The following RNF168 variants were observed in gnomAD, a reference collection of about 807,000 sequenced individuals.
RNF168 encodes the protein ring finger protein 168.
RNF168 carries 34 observed loss-of-function variants against 34.9 expected under a neutral mutation model. The observed-to-expected ratio is 0.97, with a 90% CI of 0.74 to 1.30. RNF168 has a LOEUF of 1.30. RNF168 is among the 50% of genes most tolerant of loss of function. The probability of loss-of-function intolerance (pLI) is 0.00; values close to 1 mark genes in which losing one functional copy is unlikely to be tolerated. For synonymous variants in RNF168, 264 were observed against 254.7 expected, an observed-to-expected ratio of 1.04 and a Z score of -0.35; for missense variants, 725 against 682.5, an observed-to-expected ratio of 1.06 and a Z score of -0.69.
Position 196,483,853 on chromosome 3 carries a change from C to G in RNF168, c.597G>C (p.Leu199Phe). Residue 199 changes from leucine to phenylalanine, a missense_variant, in exon 4 of 6, where the codon TTG becomes TTC. Coordinates refer to ENST00000318037, the MANE Select transcript of RNF168 (RefSeq NM_152617.4). ...TAACTGGATCAGATTTTCTGGAATT[C>G]AAGGGAGAAGCCGAGATACTTCCCT... ...FCEGSISASP[L>F]NSRKSDPVTP... 6.2e-7 allele frequency: 1 copy of G among 1,610,374 alleles called. No homozygotes were observed. Among genetic ancestry groups the G allele is most frequent in the Non-Finnish European group, 8.5e-7 (1 of 1,176,656 alleles).
intron 1 of RNF168, among the ~76,000 whole-genome samples, chr3:196,492,227 A>C (rs1732613528): frequency 6.6e-6 from 1 of 152,226 alleles, no homozygotes; most frequent in African/African-American, 2.4e-5. Flanking sequence ...GGCTGGGCAC[A>C]GTGGCTCATG....
At chr3:196,488,355 G>A (rs1024673440) in intron 2 of RNF168, among the ~76,000 whole-genome samples, 13 of 151,708 alleles carry the variant, frequency 8.6e-5, no homozygotes, top group East Asian at 1.9e-4. Context: ...AGTGGCGGGC[G>A]CCTGTAGTCC....
chr3:196,484,333 G>A (rs940331607), intron 3 of RNF168, among the ~76,000 whole-genome samples: 10 of 151,296 alleles, frequency 6.6e-5, no homozygotes, highest in Non-Finnish European at 8.9e-5. Context: ...CACCATGCCC[G>A]GCTAATTTTT....
chr3:196,472,221 C>G lies in RNF168; in HGVS notation c.1314G>C (p.Glu438Asp). ...TGTCCTGTTCTTCTTGTTTATGTCTCTCAAACAGTAGATGCTCCAAATCTA... is the reference window on the plus strand; with the variant it reads ...TGTCCTGTTCTTCTTGTTTATGTCTGTCAAACAGTAGATGCTCCAAATCTA... ...KLIDLEHLLFERHKQEEQDRL... is the reference protein window; with the variant it reads ...KLIDLEHLLFDRHKQEEQDRL... Residue 438 changes from glutamate (E) to aspartate (D), a missense_variant, in exon 6 of 6, where the codon GAG (glutamate) becomes GAC (aspartate). Coordinates refer to ENST00000318037, the MANE Select transcript of RNF168 (RefSeq NM_152617.4). The G allele has an allele frequency of 6.2e-7, 1 of 1,614,124 alleles. No individual in the cohort carries two copies. Among genetic ancestry groups the G allele is most frequent in the African/African-American group, 1.3e-5 (1 of 75,054 alleles).
intron 1 of RNF168, among the ~76,000 whole-genome samples, chr3:196,501,491 T>G (rs903908307): frequency 2.0e-5 from 3 of 152,160 alleles, no homozygotes; most frequent in Non-Finnish European, 2.9e-5. Context: ...CATGAGTCCC[T>G]TCTATGAAAT....
Position 196,502,961 on chromosome 3 carries a change from GAGA to G in RNF168, c.210_212del (p.Leu71del). On this transcript the variant is annotated inframe_deletion, in exon 1 of 6. Coordinates refer to ENST00000318037, the MANE Select transcript of RNF168 (RefSeq NM_152617.4). Reference sequence around the variant, plus strand: ...TTATCGTCCACAGTTCCACGTTGACGAGAGAATTTCTTCGGGTATGGTACCGAG... The same window carrying G: ...TTATCGTCCACAGTTCCACGTTGACGGAATTTCTTCGGGTATGGTACCGAG... The G allele has an allele frequency of 6.2e-7, 1 of 1,613,958 alleles. No individual in the cohort carries two copies. The highest frequency in any genetic ancestry group is 8.5e-7 in the Non-Finnish European group (1 of 1,179,868).
chr3:196,491,708 C>T (rs992732652), intron 1 of RNF168, among the ~76,000 whole-genome samples: 1 of 151,932 alleles, frequency 6.6e-6, no homozygotes, highest in Admixed American at 6.6e-5. Context: ...ATCCTGAGTA[C>T]GGAGATACCG....
intron 3 of RNF168, among the ~76,000 whole-genome samples, chr3:196,486,512 T>G (rs1049487400): frequency 1.3e-5 from 2 of 151,832 alleles, no homozygotes; most frequent in African/African-American, 2.4e-5. Context: ...TATTAATTTT[T>G]CTGAAGAAAC....
intron 1 of RNF168, among the ~76,000 whole-genome samples, chr3:196,497,667 C>CA (rs112193501): frequency 0.084 from 11,405 of 135,862 alleles, 494 homozygotes; most frequent in Middle Eastern, 0.21. Context: ...ATTCAGTCTC[C>CA]AAAAAAAAAA....
intron 1 of RNF168, among the ~76,000 whole-genome samples, chr3:196,491,189 T>C (rs963575216): frequency 3.9e-5 from 6 of 152,080 alleles, no homozygotes; most frequent in African/African-American, 1.4e-4. Flanking sequence ...GGCACGCACC[T>C]GTAGTCTCAG....
chr3:196,489,977 C>G (rs902715547), intron 1 of RNF168, among the ~76,000 whole-genome samples: 1 of 152,212 alleles, frequency 6.6e-6, no homozygotes, highest in African/African-American at 2.4e-5. Context: ...TGACCCAGAG[C>G]AAAGTCCTCT....
intron 4 of RNF168, among the ~76,000 whole-genome samples, chr3:196,476,190 A>T (rs930216923): frequency 1.3e-5 from 2 of 152,094 alleles, no homozygotes; most frequent in Non-Finnish European, 2.9e-5. Context: ...AAAAAAGCTT[A>T]AAAAAGCAGA....
In RNF168 at chr3:196,471,782, G is replaced by T; in HGVS notation, c.*37C>A. On this transcript the variant is annotated 3_prime_UTR_variant, in exon 6 of 6. Transcript: ENST00000318037. ...TGATAGGAAAGAGCTTCACATTCCA[G>T]CTTTACTAGATCACAAAGCACTCCC... 7.6e-7 allele frequency: 1 copy of T among 1,319,858 alleles called. No individual in the cohort carries two copies. Among genetic ancestry groups the T allele is most frequent in the East Asian group, 2.3e-5 (1 of 43,516 alleles). The allele number at this position is 1,319,858 out of a possible 1,614,324, so 81.8% of individuals were successfully genotyped here.
intron 1 of RNF168, 119 bp from the exon 2 acceptor site, chr3:196,488,802 C>T: frequency 2.0e-6 from 1 of 500,924 alleles, no homozygotes; most frequent in Admixed American, 3.7e-5. Flanking sequence ...GCAATATCTC[C>T]TTTTGGAATT....
chr3:196,473,680 C>A (rs971546495), intron 5 of RNF168, among the ~76,000 whole-genome samples: 9 of 152,098 alleles, frequency 5.9e-5, no homozygotes, highest in African/African-American at 2.2e-4. Context: ...CATGATGAAA[C>A]CCCATCTCTA....
chr3:196,478,046 T>C (rs895839145), intron 4 of RNF168, among the ~76,000 whole-genome samples: 84 of 152,354 alleles, frequency 5.5e-4, no homozygotes, highest in African/African-American at 1.9e-3. Context: ...TTCTTGCCAC[T>C]GTGGCCTGGG....
At chr3:196,497,528 G>C (rs949858026) in intron 1 of RNF168, among the ~76,000 whole-genome samples, 3 of 152,046 alleles carry the variant, frequency 2.0e-5, no homozygotes, top group Admixed American at 6.6e-5. Context: ...AAATTAGCCA[G>C]GCATGGTGGT....
Position 196,483,889 on chromosome 3 carries a change from GTTC to G in RNF168, c.559-1_560del, listed in dbSNP as rs1203276122. 1.1e-5 allele frequency: 17 copies of G among 1,606,510 alleles called. 1 individual carries two copies. The African/African-American group carries it at 2.0e-4, about 19-fold the overall frequency. On this transcript the variant is annotated splice_acceptor_variant and coding_sequence_variant, in exon 4 of 6. Transcript: ENST00000318037. LOFTEE classifies it high-confidence loss of function. ...CCGAGATACTTCCCTCACAGAAATT[GTTC>G]TTCAACAATAGAAAAAGCATAACAG...
At position 196,502,936 on chromosome 3, in the gene RNF168, T is replaced by C. The variant is rs1732936719; in HGVS notation, c.238A>G (p.Ile80Val). Residue 80 changes from isoleucine to valine, a missense_variant, in exon 1 of 6, where the codon ATT becomes GTT. By Grantham distance (29) the Ile-to-Val change is conservative (BLOSUM62 3). Transcript: ENST00000318037. ...CACTCCCTGGGATAGTGTTTTTGAA[T>C]TATCGTCCACAGTTCCACGTTGACG... ...SLVNVELWTI[I>V]QKHYPRECKL... is the part of the protein sequence containing the mutation. 2 of 1,614,114 alleles carry C rather than the reference T, an allele frequency of 1.2e-6. No homozygotes were observed. Among genetic ancestry groups the C allele is most frequent in the African/African-American group, 2.7e-5 (2 of 75,040 alleles).
Sources: allele counts gnomAD v4.1 joint callset (sites outside exome capture counted in the v4.1 genomes callset), GRCh38; gene constraint gnomAD v4.1.1; transcripts MANE v1.5; gene names NCBI Gene and HGNC (gene_info 2026-07-23, HGNC 2026-07-21).